The following POLA2 variants were observed in gnomAD, a reference collection of about 807,000 sequenced individuals.
POLA2 encodes DNA polymerase alpha subunit B.
POLA2 carries 47 observed loss-of-function variants against 82.8 expected under a neutral mutation model. The observed-to-expected ratio is 0.57, with a 90% CI of 0.45 to 0.72. The LOEUF (loss-of-function observed/expected upper bound fraction) is 0.72, where lower values mean the gene tolerates loss of function less well. POLA2 is among the 30% of genes least tolerant of loss of function. The pLI is 0.00. For synonymous variants in POLA2, 287 were observed against 286.8 expected (o/e 1.00, Z -0.01); for missense variants, 634 against 728.1 (o/e 0.87, Z 1.49).
chr11:65,305,321 C>T (rs926646856), intron 8 of POLA2: 14 of 454,764 alleles, frequency 3.1e-5, no homozygotes, highest in African/African-American at 2.0e-4. Flanking sequence ...CCTCACGCAT[C>T]GTAAGAGAAA....
downstream of POLA2, among the ~76,000 whole-genome samples, chr11:65,302,324 G>A (rs577069416): frequency 2.0e-5 from 3 of 152,148 alleles, no homozygotes; most frequent in Non-Finnish European, 2.9e-5. Flanking sequence ...CCCTAGCCCC[G>A]CTCCTGCTTC....
At chr11:65,304,587 A>G (rs1156869753) in intron 8 of POLA2, among the ~76,000 whole-genome samples, 1 of 152,224 alleles carries the variant, frequency 6.6e-6, no homozygotes, top group East Asian at 1.9e-4. Flanking sequence ...AGAGTTTCCC[A>G]CGGTATCACA....
intron 11 of POLA2, among the ~76,000 whole-genome samples, chr11:65,288,402 A>C (rs1168105970): frequency 6.6e-6 from 1 of 152,058 alleles, no homozygotes; most frequent in Non-Finnish European, 1.5e-5. Flanking sequence ...TTCTGAACTA[A>C]TCTCTTTTTA....
chr11:65,296,156 C>A, intron 17 of POLA2, 166 bp downstream of exon 17: 3 of 682,456 alleles, frequency 4.4e-6, no homozygotes, highest in East Asian at 2.6e-5. Flanking sequence ...GACCAGAAAA[C>A]AAACAACTCT....
intron 13 of POLA2, among the ~76,000 whole-genome samples, chr11:65,290,760 T>C (rs1201200618): frequency 6.6e-6 from 1 of 152,270 alleles, no homozygotes; most frequent in East Asian, 1.9e-4. Flanking sequence ...TCCACGGGAA[T>C]CTTCCCAGGA....
intron 13 of POLA2, 116 bp from the exon 14 acceptor site, chr11:65,294,037 G>C: frequency 1.2e-6 from 1 of 826,186 alleles, no homozygotes; most frequent in South Asian, 1.3e-5. Flanking sequence ...GTTCTGAGCT[G>C]CCTCCCTCGG....
downstream of POLA2, among the ~76,000 whole-genome samples, chr11:65,302,271 A>G (rs999208065): frequency 2.6e-5 from 4 of 152,196 alleles, no homozygotes; most frequent in Non-Finnish European, 5.9e-5. Context: ...CTGAGTCAGC[A>G]GGCCCCACCC....
chr11:65,281,811 G>A lies in POLA2; in HGVS notation c.963+79G>A, dbSNP rs1949644567. The A allele has an allele frequency of 1.2e-5, 14 of 1,141,638 alleles. No homozygotes were observed. In the South Asian group the frequency reaches 1.7e-4, roughly 14 times the overall value. 70.7% of individuals were successfully genotyped at this position (1,141,638 alleles called of 1,614,324 possible). On this transcript the variant is annotated intron_variant, in intron 9 of 17. Transcript: ENST00000265465. ...TGGAAGCTGTCTGTTCTAGAAACTG[G>A]TCCTTTTTAGGAGCCCATTTATTTG...
chr11:65,275,263 C>T (rs1324679854), intron 4 of POLA2, among the ~76,000 whole-genome samples: 1 of 150,634 alleles, frequency 6.6e-6, no homozygotes, highest in Non-Finnish European at 1.5e-5. Context: ...ATTTTGTTTT[C>T]TCTATTACAG....
At chr11:65,284,538 T>C (rs1368396565) in intron 10 of POLA2, among the ~76,000 whole-genome samples, 1 of 151,848 alleles carries the variant, frequency 6.6e-6, no homozygotes, top group African/African-American at 2.4e-5. Context: ...TTTTCTTTTT[T>C]TTTTTTTTAG....
intron 9 of POLA2, among the ~76,000 whole-genome samples, chr11:65,282,110 C>T (rs1428086998): frequency 6.6e-6 from 1 of 152,250 alleles, no homozygotes; most frequent in Non-Finnish European, 1.5e-5. Flanking sequence ...CTCTAGGCAA[C>T]AATCCTCCAG....
At chr11:65,282,947 A>G (rs596357) in intron 10 of POLA2, among the ~76,000 whole-genome samples, 1 of 152,076 alleles carries the variant, frequency 6.6e-6, no homozygotes, top group African/African-American at 2.4e-5. Context: ...TGGGCAACAT[A>G]GGGAGACCCT....
intron 13 of POLA2, among the ~76,000 whole-genome samples, chr11:65,291,310 C>T (rs898172155): frequency 6.6e-6 from 1 of 152,176 alleles, no homozygotes; most frequent in African/African-American, 2.4e-5. Flanking sequence ...GAACTGATCC[C>T]AGAATCAATA....
At chr11:65,262,725 G>A (rs963304438) in intron 1 of POLA2, among the ~76,000 whole-genome samples, 5 of 152,150 alleles carry the variant, frequency 3.3e-5, no homozygotes, top group Non-Finnish European at 5.9e-5. Context: ...CAACAGATGT[G>A]GGGGTTTTGA....
chr11:65,300,116 TC>T (rs1279051678), downstream of POLA2, among the ~76,000 whole-genome samples: 1 of 152,196 alleles, frequency 6.6e-6, no homozygotes, highest in Non-Finnish European at 1.5e-5. Context: ...TCTAATCCCA[TC>T]CCCTGGCAAT....
chr11:65,269,569 T>TG (rs891847735), intron 4 of POLA2, among the ~76,000 whole-genome samples: 2 of 151,718 alleles, frequency 1.3e-5, no homozygotes, highest in African/African-American at 4.8e-5. Context: ...CAGACATGGA[T>TG]GGGCTCTGCC....
chr11:65,289,760 C>A, intron 12 of POLA2, 39 bp from the exon 13 acceptor site: 1 of 1,344,596 alleles, frequency 7.4e-7, no homozygotes, highest in Non-Finnish European at 1.1e-6. Flanking sequence ...AAACACCAAA[C>A]ATCTGCCGTC....
In POLA2 at chr11:65,294,577, T is replaced by G. The variant is rs1949789889; in HGVS notation, c.1385T>G (p.Leu462Arg). 5 of 1,613,910 alleles carry G rather than the reference T, an allele frequency of 3.1e-6. No individual in the cohort carries two copies. In the East Asian group the frequency reaches 1.1e-4, roughly 36 times the overall value. The change falls in exon 15 of 18, where the codon CTC (leucine) becomes CGC (arginine). Residue 462 changes from leucine (L) to arginine (R), a missense_variant. Physicochemically the swap from Leu to Arg is moderately radical, Grantham distance 102. Coordinates refer to ENST00000265465, the MANE Select transcript of POLA2 (RefSeq NM_002689.4). ...QVQFVSEPCS[L>R]SINGVIFGLT... Reference sequence around the variant, plus strand: ...CAGTTTGTGTCCGAGCCCTGCAGCCTCTCCATAAACGGAGTGATCTTCGGC... The same window carrying G: ...CAGTTTGTGTCCGAGCCCTGCAGCCGCTCCATAAACGGAGTGATCTTCGGC...
chr11:65,266,768 C>T (rs1949465514), intron 2 of POLA2, 62 bp downstream of exon 2: 11 of 1,570,812 alleles, frequency 7.0e-6, no homozygotes, highest in Non-Finnish European at 8.8e-6. Context: ...ACAGGGGAGG[C>T]ATTGTGATAT....
Sources: allele counts gnomAD v4.1 joint callset (sites outside exome capture counted in the v4.1 genomes callset), GRCh38; gene constraint gnomAD v4.1.1; transcripts MANE v1.5; gene names NCBI Gene and HGNC (gene_info 2026-07-23, HGNC 2026-07-21).